The following PAPSS1 variants were observed in gnomAD, a reference collection of about 807,000 sequenced individuals.
The protein encoded by PAPSS1 is 3'-phosphoadenosine 5'-phosphosulfate synthase 1, also known as bifunctional 3'-phosphoadenosine 5'-phosphosulfate synthase 1.
In PAPSS1, 50 loss-of-function variants were observed where a neutral mutation model predicts 72.0. The observed-to-expected ratio is 0.69, with a 90% confidence interval of 0.55 to 0.88. The LOEUF is 0.88. PAPSS1 is among the 40% of genes least tolerant of loss of function. The pLI is 0.00. For synonymous variants in PAPSS1, 261 were observed against 263.6 expected, an observed-to-expected ratio of 0.99 and a Z score of 0.09; for missense variants, 657 against 782.2, an observed-to-expected ratio of 0.84 and a Z score of 1.91.
chr4:107,631,200 A>C (rs1726217771), intron 11 of PAPSS1, among the ~76,000 whole-genome samples: 1 of 152,034 alleles, frequency 6.6e-6, no homozygotes, highest in Non-Finnish European at 1.5e-5. Context: ...ATTTCATACA[A>C]GGGATACACA....
At chr4:107,676,259 T>G (rs1242367416) in intron 5 of PAPSS1, among the ~76,000 whole-genome samples, 4 of 151,766 alleles carry the variant, frequency 2.6e-5, no homozygotes, top group Non-Finnish European at 5.9e-5. Flanking sequence ...TGTTTGCAGA[T>G]GACATGATTG....
At chr4:107,663,688 A>AG (rs1461141442) in intron 5 of PAPSS1, among the ~76,000 whole-genome samples, 2 of 152,170 alleles carry the variant, frequency 1.3e-5, no homozygotes, top group Non-Finnish European at 2.9e-5. Context: ...CAGTAATTAG[A>AG]GTATGCTTGC....
At chr4:107,626,177 C>CAAA (rs11395725) in intron 11 of PAPSS1, among the ~76,000 whole-genome samples, 7 of 97,622 alleles carry the variant, frequency 7.2e-5, no homozygotes, top group African/African-American at 1.4e-4. Flanking sequence ...GACTCTGTCT[C>CAAA]AAAAAAAAAA....
In PAPSS1 at chr4:107,613,901, AG is replaced by A. The variant is rs1394746989; in HGVS notation, c.*347del. 1.9e-5 allele frequency: 3 copies of A among 160,560 alleles called. No individual in the cohort carries two copies. Among genetic ancestry groups the A allele is most frequent in the African/African-American group, 7.2e-5 (3 of 41,498 alleles). The allele number at this position is 160,560 out of a possible 1,614,324, so 9.9% of individuals were successfully genotyped here. On this transcript the variant is annotated 3_prime_UTR_variant, in exon 12 of 12. Transcript: ENST00000265174. The stretch of plus-strand genomic sequence containing the variant: ...GTTTGGTAATTTTTTTCTTTTTTTA[AG>A]GGGAAAAAAAGCAAGATTTAATGTG...
In PAPSS1 at chr4:107,693,954, C is replaced by T; in HGVS notation, c.228G>A (p.Leu76=). The T allele has an allele frequency of 6.2e-7, 1 of 1,613,782 alleles. No homozygotes were observed. Among genetic ancestry groups the T allele is most frequent in the South Asian group, 1.1e-5 (1 of 91,078 alleles). Residue 76 remains leucine (L), a synonymous_variant, in exon 3 of 12, where the codon CTG becomes CTA. Coordinates refer to ENST00000265174, the MANE Select transcript of PAPSS1 (RefSeq NM_005443.5). ...TGTAGCATGGAATACCATGACAAAC[C>T]AGGTACTCCTCCAAGGCCATGCTCA... The part of the protein sequence containing the change: ...TTVSMALEEY[L]VCHGIPCYTL...
chr4:107,622,078 T>C (rs935421667), intron 11 of PAPSS1, among the ~76,000 whole-genome samples: 1 of 152,194 alleles, frequency 6.6e-6, no homozygotes, highest in Non-Finnish European at 1.5e-5. Flanking sequence ...ATTTGCTCTT[T>C]TTACTTTTTC....
At chr4:107,705,326 T>C (rs974100359) in intron 1 of PAPSS1, among the ~76,000 whole-genome samples, 2 of 152,230 alleles carry the variant, frequency 1.3e-5, no homozygotes, top group African/African-American at 4.8e-5. Context: ...GATCAGATCA[T>C]GGGGGTGCTT....
chr4:107,671,738 C>T (rs147080038), intron 5 of PAPSS1, among the ~76,000 whole-genome samples: 1 of 152,196 alleles, frequency 6.6e-6, no homozygotes, highest in African/African-American at 2.4e-5. Flanking sequence ...ACAATCTACA[C>T]ACATCTTCCC....
At chr4:107,719,752 G>A in intron 1 of PAPSS1, 2 of 1,045,510 alleles carry the variant, frequency 1.9e-6, no homozygotes, top group Non-Finnish European at 2.4e-6. Context: ...AGGTATGCAG[G>A]AAGCTCCTGT....
intron 6 of PAPSS1, 47 bp from the exon 7 acceptor site, chr4:107,657,054 T>C: frequency 1.7e-6 from 2 of 1,190,602 alleles, no homozygotes; most frequent in Non-Finnish European, 2.5e-6. Context: ...CATGTATATA[T>C]GAGCAAAAGC....
chr4:107,639,067 G>A (rs1481544795), intron 10 of PAPSS1, among the ~76,000 whole-genome samples: 1 of 152,080 alleles, frequency 6.6e-6, no homozygotes, highest in African/African-American at 2.4e-5. Context: ...TGGGAAATCA[G>A]GAAAACCTGA....
At chr4:107,715,565 T>G (rs1185397478) in intron 1 of PAPSS1, among the ~76,000 whole-genome samples, 3 of 152,228 alleles carry the variant, frequency 2.0e-5, no homozygotes, top group Admixed American at 1.3e-4. Context: ...ACGAAAAACA[T>G]CCACATATAA....
chr4:107,652,085 G>A (rs1431996871), intron 9 of PAPSS1, among the ~76,000 whole-genome samples: 4 of 152,144 alleles, frequency 2.6e-5, no homozygotes, highest in Non-Finnish European at 5.9e-5. Flanking sequence ...TGCTTGGAAC[G>A]AGGGCCTCTG....
chr4:107,655,607 T>C (rs564644992), intron 7 of PAPSS1, among the ~76,000 whole-genome samples: 3 of 152,342 alleles, frequency 2.0e-5, no homozygotes, highest in African/African-American at 7.2e-5. Context: ...TAAAGTGTGC[T>C]CTCACATTCA....
At chr4:107,649,260 T>C (rs1174411442) in intron 9 of PAPSS1, among the ~76,000 whole-genome samples, 1 of 152,246 alleles carries the variant, frequency 6.6e-6, no homozygotes, top group Non-Finnish European at 1.5e-5. Flanking sequence ...TTCTCCCCAC[T>C]ATCATCTGCC....
Position 107,644,964 on chromosome 4 carries a change from G to A in PAPSS1, c.1344C>T (p.Val448=). 1 of 1,613,918 alleles carries A rather than the reference G, an allele frequency of 6.2e-7. No homozygotes were observed. The highest frequency in any genetic ancestry group is 8.5e-7 in the Non-Finnish European group (1 of 1,179,858). Reference sequence around the variant, plus strand: ...AGCCACCCAGAGGGTGGAGGAGGAGGACAGGGCGCCGGTAGCCCCTCTCTA... The same window carrying A: ...AGCCACCCAGAGGGTGGAGGAGGAGAACAGGGCGCCGGTAGCCCCTCTCTA... ...QLLERGYRRP[V]LLLHPLGGWT... is the part of the protein sequence containing the mutation. Residue 448 remains valine, a synonymous_variant, in exon 10 of 12, where the codon GTC becomes GTT. Coordinates refer to ENST00000265174, the MANE Select transcript of PAPSS1 (RefSeq NM_005443.5).
At chr4:107,659,494 C>T (rs1282212095) in intron 6 of PAPSS1, among the ~76,000 whole-genome samples, 2 of 152,028 alleles carry the variant, frequency 1.3e-5, no homozygotes, top group East Asian at 1.9e-4. Context: ...TGCTTAACTA[C>T]GCAGTTGTAT....
At chr4:107,697,135 C>G (rs1201928468) in intron 2 of PAPSS1, among the ~76,000 whole-genome samples, 1 of 152,234 alleles carries the variant, frequency 6.6e-6, no homozygotes, top group Non-Finnish European at 1.5e-5. Context: ...ACCAGCCACT[C>G]TCAGCCCGCT....
At chr4:107,669,152 CT>C (rs1204962106) in intron 5 of PAPSS1, among the ~76,000 whole-genome samples, 1 of 152,134 alleles carries the variant, frequency 6.6e-6, no homozygotes, top group Non-Finnish European at 1.5e-5. Flanking sequence ...TTTGCTACCC[CT>C]GGATAGAGGG....
Sources: gnomAD v4.1 joint callset for allele counts (sites outside exome capture counted in the v4.1 genomes callset) on GRCh38, gnomAD v4.1.1 for gene constraint, MANE v1.5 for transcripts, NCBI Gene and HGNC (gene_info 2026-07-23, HGNC 2026-07-21) for gene names.